The following ZCCHC14 variants were observed in gnomAD, a reference collection of about 807,000 sequenced individuals.
The protein encoded by ZCCHC14 is zinc finger CCHC-type containing 14.
In ZCCHC14, 16 loss-of-function variants were observed where a neutral mutation model predicts 85.0. The observed-to-expected ratio is 0.19, with a 90% CI of 0.13 to 0.29. The LOEUF (loss-of-function observed/expected upper bound fraction) is 0.29, where lower values mean the gene tolerates loss of function less well. Ranked by LOEUF, ZCCHC14 falls within the 10% of genes least tolerant of loss-of-function variation. The pLI, the probability that ZCCHC14 is intolerant of heterozygous loss-of-function variation, is 1.00. For synonymous variants in ZCCHC14, 775 were observed against 630.7 expected, an observed-to-expected ratio of 1.23 and a Z score of -3.43; for missense variants, 1,303 against 1,443.5, an observed-to-expected ratio of 0.90 and a Z score of 1.58.
At chr16:87,422,905 C>T (rs1365010277) in intron 4 of ZCCHC14, among the ~76,000 whole-genome samples, 1 of 149,786 alleles carries the variant, frequency 6.7e-6, no homozygotes, top group Admixed American at 6.7e-5. Context: ...AGCAGATTCC[C>T]GGGGGGGGGT....
At chr16:87,467,801 A>C (rs749728765) in intron 1 of ZCCHC14, 12 of 464,378 alleles carry the variant, frequency 2.6e-5, no homozygotes. Context: ...ACAGGCGCGC[A>C]CCACCACGCC....
intron 2 of ZCCHC14, among the ~76,000 whole-genome samples, chr16:87,443,780 T>A (rs1427543750): frequency 6.6e-6 from 1 of 151,604 alleles, no homozygotes; most frequent in Admixed American, 6.6e-5. Flanking sequence ...CTCATGCCTA[T>A]AATCCCAGCA....
intron 1 of ZCCHC14, among the ~76,000 whole-genome samples, chr16:87,465,212 C>T (rs901397015): frequency 9.9e-5 from 15 of 152,246 alleles, no homozygotes; most frequent in African/African-American, 3.4e-4. Flanking sequence ...CTCAGCAAGG[C>T]AGCTGTGTTT....
chr16:87,453,437 C>T (rs1435738491), intron 2 of ZCCHC14, among the ~76,000 whole-genome samples: 1 of 152,248 alleles, frequency 6.6e-6, no homozygotes, highest in East Asian at 1.9e-4. Context: ...GAGGGCGGGC[C>T]CTGTCAGTTC....
Position 87,406,394 on chromosome 16 carries a change from T to A in ZCCHC14, c.*3886A>T, listed in dbSNP as rs1908202724. The stretch of plus-strand genomic sequence containing the variant: ...TTGACATTTACAATTCAAAATCAAA[T>A]TAGCGGAATATTAAATATTTACAAA... On this transcript the variant is annotated 3_prime_UTR_variant, in exon 13 of 13. Coordinates refer to ENST00000671377, the MANE Select transcript of ZCCHC14 (RefSeq NM_015144.3). The A allele has an allele frequency of 6.6e-6, 1 of 152,596 alleles. No homozygotes were observed. The highest frequency in any genetic ancestry group is 1.5e-5 in the Non-Finnish European group (1 of 68,020). 9.5% of individuals were successfully genotyped at this position (152,596 alleles called of 1,614,324 possible). A position where few individuals can be genotyped will look rare whatever the true frequency, so the allele number is the denominator to read the frequency against.
chr16:87,426,661 AGGGCTCAGCCACAC>A (rs1190260869), intron 3 of ZCCHC14, among the ~76,000 whole-genome samples: 1 of 152,226 alleles, frequency 6.6e-6, no homozygotes, highest in Non-Finnish European at 1.5e-5. Flanking sequence ...CTCTGGGGGC[AGGGCTCAGCCACAC>A]CCCTAAGGGG....
rs1912760291 is a variant in ZCCHC14, at chr16:87,491,401, C to CGGGGGCTTG, written c.570+267_570+268insCAAGCCCCC. ...TAGGATGGGGGCTTGGGATGTACGG[C>CGGGGGCTTG]GGAGGCTTGGGATGTACGGCGGAGG... is the stretch of plus-strand genomic sequence containing the variant. On this transcript the variant is annotated intron_variant, in intron 1 of 12. Transcript: ENST00000671377. The surrounding 1 kb of genome is among the most constrained non-coding windows in gnomAD (Gnocchi z 5.9). Among the ~76,000 whole-genome samples the CGGGGGCTTG allele has an allele frequency of 6.9e-6, 1 of 144,062 alleles. No individual in the cohort carries two copies. Among genetic ancestry groups the CGGGGGCTTG allele is most frequent in the African/African-American group, 2.9e-5 (1 of 35,076 alleles). 94.5% of individuals were successfully genotyped at this position (144,062 alleles called of 152,430 possible). A position where few individuals can be genotyped will look rare whatever the true frequency, so the allele number is the denominator to read the frequency against.
chr16:87,447,509 T>C (rs781392763), intron 2 of ZCCHC14, among the ~76,000 whole-genome samples: 9 of 152,174 alleles, frequency 5.9e-5, no homozygotes, highest in Non-Finnish European at 1.0e-4. Context: ...AACATTGTAT[T>C]TTTGAGATTC....
intron 2 of ZCCHC14, among the ~76,000 whole-genome samples, chr16:87,451,828 C>G (rs1183418246): frequency 6.6e-6 from 1 of 152,170 alleles, no homozygotes; most frequent in Non-Finnish European, 1.5e-5. Flanking sequence ...GCTGGTGACA[C>G]CACAGTGAAC....
Position 87,462,817 on chromosome 16 carries a change from C to T in ZCCHC14, c.571-2686G>A, listed in dbSNP as rs991815207. Among the ~76,000 whole-genome samples the T allele has an allele frequency of 1.8e-4, 28 of 151,964 alleles. 1 individual carries two copies. The highest frequency in any genetic ancestry group is 5.9e-5 in the Non-Finnish European group (4 of 67,996). On this transcript the variant is annotated intron_variant, in intron 1 of 12. Coordinates refer to ENST00000671377, the MANE Select transcript of ZCCHC14 (RefSeq NM_015144.3). ...AGGCTTAGTGGCTCACGCCAGTAAT[C>T]CCAGCACTTTGGGAGGCCGAGGCAG... is the stretch of plus-strand genomic sequence containing the variant.
At chr16:87,462,747 A>G (rs11643189) in intron 1 of ZCCHC14, among the ~76,000 whole-genome samples, 114,807 of 150,236 alleles carry the variant, frequency 0.76, 44,519 homozygotes, top group Non-Finnish European at 0.84. Flanking sequence ...CAAAAAAAAA[A>G]AAAAGAAAAA....
chr16:87,438,088 C>G (rs1910015727), intron 2 of ZCCHC14, among the ~76,000 whole-genome samples: 1 of 152,266 alleles, frequency 6.6e-6, no homozygotes, highest in Non-Finnish European at 1.5e-5. Context: ...AGGAAAAACC[C>G]AGCAACCCAC....
chr16:87,470,236 G>C (rs1284750129), intron 1 of ZCCHC14: 2 of 152,048 alleles, frequency 1.3e-5, no homozygotes, highest in African/African-American at 4.8e-5. Flanking sequence ...AGGCTGAGGT[G>C]GGGGGATCGC....
intron 9 of ZCCHC14, 54 bp downstream of exon 9, chr16:87,415,222 C>T (rs983117042): frequency 1.8e-5 from 28 of 1,551,688 alleles, no homozygotes; most frequent in East Asian, 1.1e-4. Flanking sequence ...GCACTCCATT[C>T]GGCACACGAG....
chr16:87,478,862 C>T (rs555973016), intron 1 of ZCCHC14, among the ~76,000 whole-genome samples: 65 of 152,188 alleles, frequency 4.3e-4, no homozygotes, highest in Middle Eastern at 3.4e-3. Context: ...GCCTCGGCCT[C>T]CCAAAGTGCT....
intron 3 of ZCCHC14, among the ~76,000 whole-genome samples, chr16:87,426,692 A>C (rs1909388657): frequency 6.6e-6 from 1 of 152,368 alleles, no homozygotes; most frequent in South Asian, 2.1e-4. Context: ...GGGGACAGGC[A>C]GCCCAGGATC....
Position 87,440,734 on chromosome 16 carries a change from G to A in ZCCHC14, c.695-7533C>T, listed in dbSNP as rs185012885. 3.0e-4 allele frequency among the ~76,000 whole-genome samples: 45 copies of A among 152,084 alleles called. No individual in the cohort carries two copies. In the East Asian group the frequency reaches 7.2e-3, roughly 24 times the overall value. On this transcript the variant is annotated intron_variant, in intron 2 of 12. Transcript: ENST00000671377. Reference sequence around the variant, plus strand: ...TGATCCACCCACCTCAGCCTCCTGAGTAGCTGGCTCTACAGGCATGCATCA... The same window carrying A: ...TGATCCACCCACCTCAGCCTCCTGAATAGCTGGCTCTACAGGCATGCATCA...
chr16:87,486,265 G>T (rs910572208), intron 1 of ZCCHC14, among the ~76,000 whole-genome samples: 13 of 151,900 alleles, frequency 8.6e-5, no homozygotes, highest in Admixed American at 7.9e-4. Flanking sequence ...GTCACGCACT[G>T]CATAAGGATG....
rs1261326389 is a variant in ZCCHC14 at position 87,485,616 on chromosome 16, ATC to A, written c.570+6051_570+6052del. On this transcript the variant is annotated intron_variant, in intron 1 of 12. Transcript: ENST00000671377. The stretch of plus-strand genomic sequence containing the variant: ...AAAAAAAAAAAAAAAAAGAAGAAGA[ATC>A]TTTTTCTAAAATCTAATCCCTCTAA... 2.5e-3 allele frequency among the ~76,000 whole-genome samples: 379 copies of A among 151,466 alleles called. 4 individuals are homozygous for A. The highest frequency in any genetic ancestry group is 0.014 in the Admixed American group (214 of 15,228).
Sources: allele counts gnomAD v4.1 joint callset (sites outside exome capture counted in the v4.1 genomes callset), GRCh38; gene constraint gnomAD v4.1.1; non-coding constraint Gnocchi (gnomAD v3.1); transcripts MANE v1.5; gene names NCBI Gene and HGNC (gene_info 2026-07-23, HGNC 2026-07-21).